The following POLR3B variants were observed in gnomAD, a reference collection of about 807,000 sequenced individuals.
POLR3B encodes DNA-directed RNA polymerase III subunit RPC2.
Under a neutral mutation model 147.4 loss-of-function variants are expected in POLR3B, and 96 were observed. That is an observed-to-expected ratio of 0.65 (90% CI 0.55 to 0.77). The LOEUF (loss-of-function observed/expected upper bound fraction) is 0.77, where lower values mean the gene tolerates loss of function less well. POLR3B is among the 30% of genes least tolerant of loss of function. POLR3B has a pLI of 0.00. For synonymous variants in POLR3B, 461 were observed against 485.9 expected (o/e 0.95, Z 0.67); for missense variants, 1,036 against 1,413.5 (o/e 0.73, Z 4.28).
intron 7 of POLR3B, among the ~76,000 whole-genome samples, chr12:106,377,534 A>T (rs1011784808): frequency 6.6e-6 from 1 of 152,234 alleles, no homozygotes; most frequent in African/African-American, 2.4e-5. Context: ...TGAATATGGA[A>T]TATTATTTTG....
At position 106,361,852 on chromosome 12, in the gene POLR3B, G is replaced by A. The variant is rs112008219; in HGVS notation, c.73-2018G>A. On this transcript the variant is annotated intron_variant, in intron 1 of 27. Transcript: ENST00000228347. ...ACATAAGAGAATGATACCACAGAGTGTTATAAGACAGTGATCGGCATGGCC... is the reference window on the plus strand; with the variant it reads ...ACATAAGAGAATGATACCACAGAGTATTATAAGACAGTGATCGGCATGGCC... Among the ~76,000 whole-genome samples, 563 of 152,298 alleles carry A rather than the reference G, an allele frequency of 3.7e-3. 4 individuals carry two copies. The highest frequency in any genetic ancestry group is 0.013 in the African/African-American group (530 of 41,560).
chr12:106,457,682 G>A (rs1205800355), intron 21 of POLR3B, among the ~76,000 whole-genome samples: 2 of 152,276 alleles, frequency 1.3e-5, no homozygotes, highest in Middle Eastern at 3.4e-3. Context: ...TTACAAACTT[G>A]TAATGCATTT....
chr12:106,502,955 A>G (rs763872212), intron 26 of POLR3B, among the ~76,000 whole-genome samples: 1 of 152,178 alleles, frequency 6.6e-6, no homozygotes, highest in Non-Finnish European at 1.5e-5. Context: ...TGTCTCTTCC[A>G]TATGAAGACT....
At chr12:106,466,626 G>T (rs542148533) in intron 23 of POLR3B, among the ~76,000 whole-genome samples, 1 of 152,174 alleles carries the variant, frequency 6.6e-6, no homozygotes, top group Non-Finnish European at 1.5e-5. Flanking sequence ...GTTGATTTTT[G>T]TATAAGGTGT....
chr12:106,416,167 C>T (rs756022380), intron 12 of POLR3B, among the ~76,000 whole-genome samples: 5 of 151,978 alleles, frequency 3.3e-5, no homozygotes, highest in Non-Finnish European at 7.4e-5. Context: ...CAGTTATGTC[C>T]GAGAATGTTA....
At chr12:106,477,239 C>G (rs1307989051) in intron 23 of POLR3B, among the ~76,000 whole-genome samples, 4 of 99,314 alleles carry the variant, frequency 4.0e-5, no homozygotes, top group African/African-American at 6.1e-5. Flanking sequence ...AGATCTCAAG[C>G]TGCGTGCTGG....
At chr12:106,454,333 C>A (rs1482685876) in intron 19 of POLR3B, among the ~76,000 whole-genome samples, 169 bp from the exon 20 acceptor site, 1 of 152,100 alleles carries the variant, frequency 6.6e-6, no homozygotes, top group Non-Finnish European at 1.5e-5. Context: ...AGAAAAGTTG[C>A]TTTTGCAAGT....
At chr12:106,455,215 TTTTC>T (rs143125098) in intron 20 of POLR3B, among the ~76,000 whole-genome samples, 7 of 152,316 alleles carry the variant, frequency 4.6e-5, no homozygotes, top group Admixed American at 2.6e-4. Context: ...GTTTTTCTGC[TTTTC>T]TTTCTGTTTT....
chr12:106,435,658 C>T (rs1305138288), intron 16 of POLR3B, among the ~76,000 whole-genome samples: 2 of 152,016 alleles, frequency 1.3e-5, no homozygotes, highest in Non-Finnish European at 2.9e-5. Context: ...TAATGCCTGC[C>T]TAAGATTGTC....
At position 106,398,622 on chromosome 12, in the gene POLR3B, C is replaced by G. The variant is rs568041309; in HGVS notation, c.846+5469C>G. ...TGACACCTCACACGGCCAGGTACTCCTCTGAGACAAAACTTCCAGAGGAAC... is the reference window on the plus strand; with the variant it reads ...TGACACCTCACACGGCCAGGTACTCGTCTGAGACAAAACTTCCAGAGGAAC... On this transcript the variant is annotated intron_variant, in intron 10 of 27. Transcript: ENST00000228347. Among the ~76,000 whole-genome samples the G allele has an allele frequency of 4.4e-4, 67 of 152,296 alleles. 1 individual carries two copies. The South Asian group carries it at 0.013, about 30-fold the overall frequency.
intron 12 of POLR3B, among the ~76,000 whole-genome samples, chr12:106,411,795 A>AC (rs1663724491): frequency 6.6e-6 from 1 of 152,168 alleles, no homozygotes; most frequent in Non-Finnish European, 1.5e-5. Context: ...TTATTTCAAG[A>AC]CTGTGTATCT....
At chr12:106,413,815 G>T (rs2037262886) in intron 12 of POLR3B, among the ~76,000 whole-genome samples, 1 of 151,538 alleles carries the variant, frequency 6.6e-6, no homozygotes, top group African/African-American at 2.4e-5. Context: ...TGCATTCTGT[G>T]CGATTGTTTT....
intron 10 of POLR3B, among the ~76,000 whole-genome samples, chr12:106,394,015 G>T (rs1477738502): frequency 6.6e-6 from 1 of 151,988 alleles, no homozygotes; most frequent in Non-Finnish European, 1.5e-5. Context: ...CTATTCTGTG[G>T]GTTATGTATG....
intron 22 of POLR3B, 21 bp from the exon 23 acceptor site, chr12:106,463,457 G>A (rs772938463): frequency 6.2e-7 from 1 of 1,611,756 alleles, no homozygotes; most frequent in South Asian, 1.1e-5. Context: ...CTCTGTTTTA[G>A]TGACTTTCTC....
At chr12:106,469,881 C>T (rs879518920) in intron 23 of POLR3B, among the ~76,000 whole-genome samples, 3 of 152,138 alleles carry the variant, frequency 2.0e-5, no homozygotes, top group Admixed American at 2.0e-4. Context: ...CTGCCCTTAA[C>T]ACTTTTTCCG....
intron 18 of POLR3B, among the ~76,000 whole-genome samples, chr12:106,443,195 C>A (rs1578965): frequency 3.3e-5 from 5 of 151,882 alleles, no homozygotes; most frequent in Non-Finnish European, 7.4e-5. Context: ...ACTTTTTTTC[C>A]TACTATAAGT....
intron 24 of POLR3B, 35 bp from the exon 25 acceptor site, chr12:106,496,717 G>A (rs771172772): frequency 9.4e-6 from 15 of 1,602,356 alleles, no homozygotes; most frequent in Non-Finnish European, 1.3e-5. Context: ...TTGTGCCACA[G>A]GGAGGTGCTC....
At chr12:106,423,688 C>T (rs941845151) in intron 12 of POLR3B, among the ~76,000 whole-genome samples, 29 of 152,116 alleles carry the variant, frequency 1.9e-4, no homozygotes, top group African/African-American at 5.6e-4. Context: ...TGCCTGCTGA[C>T]GTTGGTTGAG....
At position 106,454,644 on chromosome 12, in the gene POLR3B, T is replaced by A; in HGVS notation, c.2226T>A (p.Ala742=). Reference sequence around the variant, plus strand: ...CAGCTGGACAGAATGCAACAGTTGCTGTGATGAGCTATAGTGGCTATGATA... The same window carrying A: ...CAGCTGGACAGAATGCAACAGTTGCAGTGATGAGCTATAGTGGCTATGATA... The part of the protein sequence containing the change: ...KLPAGQNATV[A]VMSYSGYDIE... Residue 742 remains alanine (A), a synonymous_variant, in exon 20 of 28, where the codon GCT becomes GCA. Transcript: ENST00000228347. The A allele has an allele frequency of 6.2e-7, 1 of 1,612,292 alleles. No homozygotes were observed. Among genetic ancestry groups the A allele is most frequent in the Non-Finnish European group, 8.5e-7 (1 of 1,178,452 alleles).
Sources: gnomAD v4.1 joint callset for allele counts (sites outside exome capture counted in the v4.1 genomes callset) on GRCh38, gnomAD v4.1.1 for gene constraint, MANE v1.5 for transcripts, NCBI Gene and HGNC (gene_info 2026-07-23, HGNC 2026-07-21) for gene names.